Variants in TRIO observed in about 807,000 individuals in gnomAD.
TRIO encodes trio Rho guanine nucleotide exchange factor.
TRIO carries 58 observed loss-of-function variants against 351.9 expected under a neutral mutation model. The observed-to-expected ratio is 0.16, with a 90% confidence interval of 0.13 to 0.21. TRIO has a LOEUF of 0.21. TRIO is among the 10% of genes least tolerant of loss of function. The pLI, the probability that TRIO is intolerant of heterozygous loss-of-function variation, is 1.00. For synonymous variants in TRIO, 1,758 were observed against 1,595.7 expected (o/e 1.10, Z -2.42); for missense variants, 3,201 against 4,027.8 (o/e 0.79, Z 5.56).
At chr5:14,249,071 C>T (rs116486345) in intron 1 of TRIO, among the ~76,000 whole-genome samples, 22 of 152,274 alleles carry the variant, frequency 1.4e-4, no homozygotes, top group Admixed American at 6.5e-4. Flanking sequence ...TGAGAATAGA[C>T]GGGCAGTCTT....
intron 31 of TRIO, among the ~76,000 whole-genome samples, chr5:14,404,616 T>C (rs1748543218): frequency 6.6e-6 from 1 of 152,186 alleles, no homozygotes; most frequent in Non-Finnish European, 1.5e-5. Flanking sequence ...TTAGAAAAGT[T>C]TCTTCTCCCG....
intron 1 of TRIO, among the ~76,000 whole-genome samples, chr5:14,168,428 T>C (rs565058753): frequency 7.2e-5 from 11 of 152,386 alleles, no homozygotes; most frequent in African/African-American, 2.6e-4. Flanking sequence ...AAATAGGAGA[T>C]TCCCAAGTGG....
At chr5:14,272,073 T>C (rs1796009245) in intron 2 of TRIO, among the ~76,000 whole-genome samples, 1 of 152,230 alleles carries the variant, frequency 6.6e-6, no homozygotes, top group Admixed American at 6.5e-5. Context: ...TGGCTTACAA[T>C]ACACTGAGTT....
intron 55 of TRIO, among the ~76,000 whole-genome samples, chr5:14,505,280 C>T (rs956962341): frequency 6.6e-6 from 1 of 152,254 alleles, no homozygotes; most frequent in African/African-American, 2.4e-5. Flanking sequence ...CAGGGAGCGG[C>T]CGGAGGCCAG....
chr5:14,201,665 A>G (rs1441184791), intron 1 of TRIO, among the ~76,000 whole-genome samples: 1 of 152,134 alleles, frequency 6.6e-6, no homozygotes, highest in East Asian at 1.9e-4. Flanking sequence ...ACTTAGTCAG[A>G]TTTACTTGGA....
intron 9 of TRIO, among the ~76,000 whole-genome samples, chr5:14,329,294 T>C (rs1740689703): frequency 6.6e-6 from 1 of 152,242 alleles, no homozygotes; most frequent in Non-Finnish European, 1.5e-5. Context: ...ATCGTCTGAA[T>C]GTTTGTGTCC....
At chr5:14,280,465 C>T (rs1359753633) in intron 3 of TRIO, 29 bp downstream of exon 3, 8 of 1,579,464 alleles carry the variant, frequency 5.1e-6, no homozygotes, top group Non-Finnish European at 7.0e-6. Context: ...GTGCTTGTCA[C>T]TGATGTCACA....
At chr5:14,144,482 G>A (rs1435802283) in intron 1 of TRIO, among the ~76,000 whole-genome samples, 1 of 152,128 alleles carries the variant, frequency 6.6e-6, no homozygotes, top group Non-Finnish European at 1.5e-5. Context: ...CACTGCCCAG[G>A]GAGTGGGGAC....
intron 31 of TRIO, among the ~76,000 whole-genome samples, chr5:14,404,434 C>T (rs1455285563): frequency 6.6e-6 from 1 of 152,122 alleles, no homozygotes. Context: ...GAGAATTACT[C>T]TCTAAGTGTA....
At chr5:14,372,438 A>G (rs192400074) in intron 18 of TRIO, among the ~76,000 whole-genome samples, 18 of 152,274 alleles carry the variant, frequency 1.2e-4, no homozygotes, top group Non-Finnish European at 1.5e-5. Flanking sequence ...TGTACTTCCC[A>G]TCAGCCTTTC....
intron 1 of TRIO, among the ~76,000 whole-genome samples, chr5:14,207,325 C>T (rs201762160): frequency 0.27 from 6,025 of 22,122 alleles, 2,523 homozygotes; most frequent in East Asian, 0.75. Flanking sequence ...CTCTCACACA[C>T]ACACACACAC....
chr5:14,254,814 T>C (rs1487940510), intron 1 of TRIO, among the ~76,000 whole-genome samples: 1 of 152,254 alleles, frequency 6.6e-6, no homozygotes, highest in African/African-American at 2.4e-5. Context: ...AACAAAGTTT[T>C]GGAACCCAGA....
intron 1 of TRIO, among the ~76,000 whole-genome samples, chr5:14,207,463 TACACACACACAC>T (rs70964545): frequency 1.3e-4 from 3 of 23,108 alleles, no homozygotes; most frequent in East Asian, 1.9e-3. Flanking sequence ...ACTGTCTCTC[TACACACACACAC>T]ACACACACAC....
intron 11 of TRIO, among the ~76,000 whole-genome samples, chr5:14,342,121 A>G (rs560633118): frequency 6.6e-6 from 1 of 151,318 alleles, no homozygotes; most frequent in Non-Finnish European, 1.5e-5. Flanking sequence ...AGAGGGAGAA[A>G]GCCAGAGCTG....
At chr5:14,272,534 G>A (rs186486415) in intron 2 of TRIO, among the ~76,000 whole-genome samples, 10 of 152,164 alleles carry the variant, frequency 6.6e-5, no homozygotes, top group Non-Finnish European at 1.0e-4. Context: ...AAACAAAATC[G>A]GCAGTCTTTC....
intron 8 of TRIO, among the ~76,000 whole-genome samples, chr5:14,315,567 A>AC (rs1161238117): frequency 2.0e-5 from 3 of 151,740 alleles, no homozygotes; most frequent in African/African-American, 7.3e-5. Context: ...CTAGAAACTC[A>AC]AAGAGGTTTT....
At chr5:14,410,400 A>G (rs1355535773) in intron 33 of TRIO, among the ~76,000 whole-genome samples, 1 of 152,202 alleles carries the variant, frequency 6.6e-6, no homozygotes, top group Non-Finnish European at 1.5e-5. Context: ...CAAGGACTCC[A>G]TCCTTTCCCT....
chr5:14,479,724 T>C (rs574986881), intron 42 of TRIO, among the ~76,000 whole-genome samples, 195 bp from the exon 43 acceptor site: 1 of 152,296 alleles, frequency 6.6e-6, no homozygotes, highest in South Asian at 2.1e-4. Flanking sequence ...CATAAAAGAC[T>C]GCTTTGAAAA....
intron 11 of TRIO, among the ~76,000 whole-genome samples, chr5:14,356,780 C>T (rs773289356): frequency 2.6e-5 from 4 of 151,674 alleles, no homozygotes; most frequent in South Asian, 2.1e-4. Context: ...GACTGCTATT[C>T]GACAGTGGAA....
Sources: allele counts gnomAD v4.1 joint callset (sites outside exome capture counted in the v4.1 genomes callset), GRCh38; gene constraint gnomAD v4.1.1; transcripts MANE v1.5; gene names NCBI Gene and HGNC (gene_info 2026-07-23, HGNC 2026-07-21).